ANXA2: variants seen among roughly 807,000 people sequenced by gnomAD.
ANXA2 encodes annexin II.
A neutral mutation model predicts 47.3 loss-of-function variants in ANXA2; 28 were observed. That is an observed-to-expected ratio of 0.59 (90% confidence interval 0.44 to 0.81). The LOEUF is 0.81. Among genes scored for constraint, ANXA2 ranks in the 40% least tolerant of loss-of-function variants. The pLI is 0.00. For missense variants in ANXA2, 384 were observed against 414.3 expected (o/e 0.93, Z 0.64); for synonymous variants, 172 against 155.5 (o/e 1.11, Z -0.79).
chr15:60,356,319 G>A (rs1005914268), intron 6 of ANXA2, among the ~76,000 whole-genome samples: 1 of 151,704 alleles, frequency 6.6e-6, no homozygotes, highest in South Asian at 2.1e-4. Context: ...TACTTGTTCT[G>A]AACATCAAAA....
At chr15:60,385,824 G>A in intron 2 of ANXA2, 4 of 505,552 alleles carry the variant, frequency 7.9e-6, no homozygotes, top group South Asian at 6.6e-5. Flanking sequence ...TTAATGTGAG[G>A]CCAAGAAAAG....
chr15:60,374,688 T>C (rs1051539070), intron 3 of ANXA2: 6 of 455,974 alleles, frequency 1.3e-5, no homozygotes, highest in Non-Finnish European at 1.8e-5. Context: ...GGCACCTACA[T>C]AGATACATAG....
At chr15:60,394,928 C>T (rs1291884806) in intron 1 of ANXA2, among the ~76,000 whole-genome samples, 1 of 152,168 alleles carries the variant, frequency 6.6e-6, no homozygotes, top group Non-Finnish European at 1.5e-5. Context: ...ACTGGAATTT[C>T]CTCTGGTGTG....
intron 4 of ANXA2, 105 bp downstream of exon 4, chr15:60,364,324 C>T (rs1039415579): frequency 2.3e-6 from 2 of 860,500 alleles, no homozygotes; most frequent in African/African-American, 3.4e-5. Flanking sequence ...AAGGGTCCCA[C>T]AAGTCTTTTG....
chr15:60,392,377 A>T (rs540604238), intron 1 of ANXA2, among the ~76,000 whole-genome samples: 1 of 147,268 alleles, frequency 6.8e-6, no homozygotes, highest in East Asian at 2.1e-4. Context: ...CTTTTGTACC[A>T]ACCTAATAAT....
At position 60,364,438 on chromosome 15, in the gene ANXA2, C is replaced by A; in HGVS notation, c.234G>T (p.Arg78Ser). The A allele has an allele frequency of 6.2e-7, 1 of 1,610,612 alleles. No individual in the cohort carries two copies. Among genetic ancestry groups the A allele is most frequent in the South Asian group, 1.1e-5 (1 of 90,206 alleles). ...CTGGAATTGCCTGTACCTTTTTGGT[C>A]CTTCTCTGGTAGGCGAAGGCAATAT... is the stretch of plus-strand genomic sequence containing the variant. ...RQDIAFAYQR[R>S]TKKELASALK... is the part of the protein sequence containing the mutation. The change falls in exon 4 of 13, where the codon AGG (arginine) becomes AGT (serine). Residue 78 changes from arginine (R) to serine (S), a missense_variant. Coordinates refer to ENST00000451270, the MANE Select transcript of ANXA2 (RefSeq NM_004039.3).
chr15:60,355,985 A>G lies in ANXA2; in HGVS notation c.462T>C (p.Asp154=). 6.2e-7 allele frequency: 1 copy of G among 1,613,796 alleles called. No homozygotes were observed. Among genetic ancestry groups the G allele is most frequent in the Non-Finnish European group, 8.5e-7 (1 of 1,179,698 alleles). The part of the protein sequence containing the change: ...NRVYKEMYKT[D]LEKDIISDTS... ...TGTCCGAAATAATGTCCTTCTCCAG[A>G]TCAGTCTTGTACACTTGGAGGAAAA... is the stretch of plus-strand genomic sequence containing the variant. Residue 154 remains aspartate, a synonymous_variant, in exon 7 of 13, where the codon GAT becomes GAC. Transcript: ENST00000451270.
intron 8 of ANXA2, among the ~76,000 whole-genome samples, chr15:60,353,476 C>G (rs771573058): frequency 6.6e-6 from 1 of 152,222 alleles, no homozygotes; most frequent in Non-Finnish European, 1.5e-5. Flanking sequence ...TGCTTCCATA[C>G]AAGCAAAGCC....
intron 3 of ANXA2, among the ~76,000 whole-genome samples, chr15:60,371,712 C>T (rs919653221): frequency 6.6e-6 from 1 of 152,174 alleles, no homozygotes; most frequent in Non-Finnish European, 1.5e-5. Context: ...CACGACTTGA[C>T]TTGACTAAGA....
At chr15:60,358,747 T>C (rs965562966) in intron 5 of ANXA2, among the ~76,000 whole-genome samples, 21 of 152,228 alleles carry the variant, frequency 1.4e-4, no homozygotes, top group African/African-American at 3.6e-4. Context: ...CCGAGTATCT[T>C]TGAATATTTT....
chr15:60,385,528 T>G (rs1293814634), intron 2 of ANXA2: 1 of 152,472 alleles, frequency 6.6e-6, no homozygotes, highest in East Asian at 1.9e-4. Context: ...ATCACGCCAC[T>G]GCACTCCAGC....
intron 2 of ANXA2, chr15:60,385,823 G>A: frequency 2.0e-6 from 1 of 507,024 alleles, no homozygotes; most frequent in Non-Finnish European, 3.6e-6. Flanking sequence ...TTTAATGTGA[G>A]GCCAAGAAAA....
intron 3 of ANXA2, among the ~76,000 whole-genome samples, chr15:60,371,696 G>A (rs2062712455): frequency 6.6e-6 from 1 of 152,198 alleles, no homozygotes; most frequent in South Asian, 2.1e-4. Flanking sequence ...AGATTATGGG[G>A]AAGACCACGA....
At chr15:60,369,347 T>C (rs1307522709) in intron 3 of ANXA2, among the ~76,000 whole-genome samples, 1 of 152,226 alleles carries the variant, frequency 6.6e-6, no homozygotes, top group African/African-American at 2.4e-5. Context: ...TAGGTTTCTA[T>C]TAGGAAAACC....
intron 3 of ANXA2, among the ~76,000 whole-genome samples, chr15:60,366,194 C>T (rs1468929638): frequency 1.4e-5 from 2 of 146,818 alleles, no homozygotes; most frequent in African/African-American, 5.1e-5. Flanking sequence ...GATCTCGGCT[C>T]GCTACAACCA....
At chr15:60,387,557 G>A (rs2140925376) in intron 1 of ANXA2, among the ~76,000 whole-genome samples, 1 of 152,340 alleles carries the variant, frequency 6.6e-6, no homozygotes, top group South Asian at 2.1e-4. Flanking sequence ...GTAATACAGT[G>A]TATAGTTCCA....
At chr15:60,353,650 C>G (rs1181077007) in intron 8 of ANXA2, among the ~76,000 whole-genome samples, 7 of 152,194 alleles carry the variant, frequency 4.6e-5, no homozygotes, top group Non-Finnish European at 1.5e-5. Flanking sequence ...TCCCCTCCCA[C>G]TGAGTGTGGG....
At chr15:60,386,636 C>T (rs183445421) in intron 1 of ANXA2, 2 of 152,436 alleles carry the variant, frequency 1.3e-5, no homozygotes, top group East Asian at 1.9e-4. Context: ...ATGAGAAAGA[C>T]GATGGACAGA....
Position 60,385,069 on chromosome 15 carries a change from T to A in ANXA2, c.48+959A>T, listed in dbSNP as rs547036761. On this transcript the variant is annotated intron_variant, in intron 2 of 12. Transcript: ENST00000451270. ...ACATATAGCTTAAATTTTTTATTTGTAAAAAAAAGAAACAAATGCAACAGA... is the reference window on the plus strand; with the variant it reads ...ACATATAGCTTAAATTTTTTATTTGAAAAAAAAAGAAACAAATGCAACAGA... 2.3e-4 allele frequency among the ~76,000 whole-genome samples: 35 copies of A among 152,126 alleles called. No homozygotes were observed. In the East Asian group the frequency reaches 5.4e-3, roughly 23 times the overall value.
Sources: gnomAD v4.1 joint callset for allele counts (sites outside exome capture counted in the v4.1 genomes callset) on GRCh38, gnomAD v4.1.1 for gene constraint, MANE v1.5 for transcripts, NCBI Gene and HGNC (gene_info 2026-07-23, HGNC 2026-07-21) for gene names.